The following ASPRV1 variants were observed in gnomAD, a reference collection of about 807,000 sequenced individuals.
ASPRV1 encodes the protein retroviral-like aspartic protease 1.
In ASPRV1, 7 loss-of-function variants were observed where a neutral mutation model predicts 11.0. The observed-to-expected ratio is 0.64, with a 90% confidence interval of 0.36 to 1.20. The LOEUF is 1.20. ASPRV1 is among the 50% of genes most tolerant of loss of function. ASPRV1 has a pLI of 0.02. For missense variants in ASPRV1, 299 were observed against 320.0 expected (o/e 0.93, Z 0.50); for synonymous variants, 136 against 138.4 (o/e 0.98, Z 0.12).
At chr2:70,061,451 A>G in the ASPRV1 span, among the ~76,000 whole-genome samples, 1 of 152,030 alleles carries the variant, frequency 6.6e-6, no homozygotes, top group Non-Finnish European at 1.5e-5. Context: ...CATTATGCAC[A>G]GTAAAGAGTG....
chr2:70,008,462 A>G, the ASPRV1 span, among the ~76,000 whole-genome samples: 1 of 107,554 alleles, frequency 9.3e-6, no homozygotes, highest in African/African-American at 6.3e-5. Context: ...AGCAGAGGCC[A>G]GGTCTGGCAG....
At chr2:69,978,328 T>G in the ASPRV1 span, among the ~76,000 whole-genome samples, 2 of 152,116 alleles carry the variant, frequency 1.3e-5, no homozygotes, top group African/African-American at 4.8e-5. Context: ...GGTCACACAC[T>G]CATCCCTGGA....
At chr2:69,976,090 G>C in the ASPRV1 span, 1 of 151,588 alleles carries the variant, frequency 6.6e-6, no homozygotes, top group South Asian at 2.1e-4. Flanking sequence ...CAGCTTCAAA[G>C]GAACACAAGT....
the ASPRV1 span, among the ~76,000 whole-genome samples, chr2:69,948,493 A>T: frequency 6.6e-6 from 1 of 152,180 alleles, no homozygotes; most frequent in African/African-American, 2.4e-5. Context: ...GGCCTGACAG[A>T]ACCAGGATCC....
the ASPRV1 span, among the ~76,000 whole-genome samples, chr2:70,038,536 C>T: frequency 6.6e-6 from 1 of 152,220 alleles, no homozygotes; most frequent in Admixed American, 6.5e-5. Flanking sequence ...GCTATGACCA[C>T]ATCATAGCAC....
At chr2:69,967,441 C>G in the ASPRV1 span, among the ~76,000 whole-genome samples, 1 of 152,218 alleles carries the variant, frequency 6.6e-6, no homozygotes, top group Non-Finnish European at 1.5e-5. Context: ...AGGGCATCCA[C>G]AGACCAAAAT....
chr2:69,996,214 C>CAAAAA, the ASPRV1 span, among the ~76,000 whole-genome samples: 21 of 53,854 alleles, frequency 3.9e-4, no homozygotes, highest in East Asian at 6.3e-4. Context: ...CCCCATCTCT[C>CAAAAA]AAAAAAAAAA....
chr2:69,973,689 C>T, the ASPRV1 span, among the ~76,000 whole-genome samples: 1 of 152,232 alleles, frequency 6.6e-6, no homozygotes, highest in Non-Finnish European at 1.5e-5. Flanking sequence ...AATTTCTTTA[C>T]TGAAGCAGAG....
chr2:70,037,417 G>C, the ASPRV1 span, among the ~76,000 whole-genome samples: 1 of 152,130 alleles, frequency 6.6e-6, no homozygotes, highest in Non-Finnish European at 1.5e-5. Flanking sequence ...TCCGCCTCCT[G>C]CATTCAGGCC....
At chr2:69,953,217 G>A in the ASPRV1 span, among the ~76,000 whole-genome samples, 1 of 152,244 alleles carries the variant, frequency 6.6e-6, no homozygotes, top group Non-Finnish European at 1.5e-5. Flanking sequence ...GTATGACCCA[G>A]TGCTCTGGAC....
the ASPRV1 span, among the ~76,000 whole-genome samples, chr2:69,994,817 G>A: frequency 5.4e-4 from 82 of 151,514 alleles, no homozygotes; most frequent in African/African-American, 1.9e-3. Flanking sequence ...CTAACACGGT[G>A]AAACCCTGTC....
the ASPRV1 span, among the ~76,000 whole-genome samples, chr2:70,020,853 G>A: frequency 6.6e-6 from 1 of 152,134 alleles, no homozygotes; most frequent in Non-Finnish European, 1.5e-5. Flanking sequence ...CAGGGGCTGA[G>A]GGAGGGGAGA....
chr2:69,958,983 C>T (rs1343576292), downstream of ASPRV1, among the ~76,000 whole-genome samples: 1 of 152,150 alleles, frequency 6.6e-6, no homozygotes, highest in Non-Finnish European at 1.5e-5. Flanking sequence ...GGGAAGGGGC[C>T]TCGGTAAACC....
the ASPRV1 span, chr2:69,976,601 G>C: frequency 6.6e-6 from 1 of 152,178 alleles, no homozygotes; most frequent in Non-Finnish European, 1.5e-5. Context: ...AGATTTGACT[G>C]AATGAATGGG....
the ASPRV1 span, chr2:69,936,934 G>A: frequency 3.8e-6 from 2 of 526,362 alleles, no homozygotes; most frequent in Non-Finnish European, 3.8e-6. Context: ...GTTGGGGACT[G>A]CTGCCTGCAG....
chr2:70,036,936 C>G, the ASPRV1 span, among the ~76,000 whole-genome samples: 2 of 152,210 alleles, frequency 1.3e-5, no homozygotes, highest in Non-Finnish European at 2.9e-5. Context: ...ACCACACACT[C>G]CTCTCCAGTC....
chr2:70,041,394 C>G, the ASPRV1 span, among the ~76,000 whole-genome samples: 3 of 152,234 alleles, frequency 2.0e-5, no homozygotes, highest in East Asian at 5.8e-4. Context: ...GGTCACCCAC[C>G]CAGTCGGATT....
the ASPRV1 span, among the ~76,000 whole-genome samples, chr2:70,006,969 A>C: frequency 1.3e-5 from 2 of 152,160 alleles, no homozygotes; most frequent in Non-Finnish European, 1.5e-5. Flanking sequence ...ACCACCTACC[A>C]GGTATGTGAT....
At chr2:70,086,665 T>C in the ASPRV1 span, among the ~76,000 whole-genome samples, 1 of 152,234 alleles carries the variant, frequency 6.6e-6, no homozygotes, top group Non-Finnish European at 1.5e-5. Flanking sequence ...CGTACACTAT[T>C]GTTTCTAATG....
Sources: gnomAD v4.1 joint callset for allele counts (sites outside exome capture counted in the v4.1 genomes callset) on GRCh38, gnomAD v4.1.1 for gene constraint, MANE v1.5 for transcripts, NCBI Gene and HGNC (gene_info 2026-07-23, HGNC 2026-07-21) for gene names.